The following GRK3 variants were observed in gnomAD, a reference collection of about 807,000 sequenced individuals.
The protein encoded by GRK3 is G protein-coupled receptor kinase 3, also known as adrenergic, beta, receptor kinase 2.
GRK3 carries 54 observed loss-of-function variants against 95.7 expected under a neutral mutation model. The observed-to-expected ratio is 0.56, with a 90% CI of 0.45 to 0.71. GRK3 has a LOEUF of 0.71. Among genes scored for constraint, GRK3 ranks in the 30% least tolerant of loss-of-function variants. The probability of loss-of-function intolerance (pLI) is 0.00; values close to 1 mark genes in which losing one functional copy is unlikely to be tolerated. For missense variants in GRK3, 649 were observed against 851.2 expected, an observed-to-expected ratio of 0.76 and a Z score of 2.96; for synonymous variants, 281 against 290.8, an observed-to-expected ratio of 0.97 and a Z score of 0.34.
intron 8 of GRK3, among the ~76,000 whole-genome samples, 159 bp from the exon 9 acceptor site, chr22:25,678,657 T>G (rs537188055): frequency 6.6e-6 from 1 of 152,366 alleles, no homozygotes; most frequent in East Asian, 1.9e-4. Flanking sequence ...TCACAATACA[T>G]GCAAAATAAA....
intron 1 of GRK3, among the ~76,000 whole-genome samples, chr22:25,599,202 T>C (rs1201542737): frequency 6.6e-6 from 1 of 152,154 alleles, no homozygotes; most frequent in Non-Finnish European, 1.5e-5. Context: ...AGAAAAATAT[T>C]GATAAATTGG....
chr22:25,613,115 G>A (rs1430685876), intron 2 of GRK3, among the ~76,000 whole-genome samples: 3 of 151,588 alleles, frequency 2.0e-5, no homozygotes, highest in Non-Finnish European at 4.4e-5. Context: ...GTATAAGTCA[G>A]CAGCTTTGGA....
At chr22:25,665,364 C>T in intron 5 of GRK3, among the ~76,000 whole-genome samples, 1 of 152,180 alleles carries the variant, frequency 6.6e-6, no homozygotes, top group East Asian at 1.9e-4. Context: ...TTACATTTAA[C>T]ATTGCTAAAC....
Position 25,721,121 on chromosome 22 carries a change from G to T in GRK3, c.1792-163G>T, listed in dbSNP as rs190694464. Among the ~76,000 whole-genome samples the T allele has an allele frequency of 9.2e-5, 14 of 152,212 alleles. No individual in the cohort carries two copies. The East Asian group carries it at 2.7e-3, about 29-fold the overall frequency. On this transcript the variant is annotated intron_variant, in intron 19 of 20. Transcript: ENST00000324198. ...AACATTATAATTTGAACTTTTGTTT[G>T]TGTTCCTTTATAGCCATTTTCCCCT...
chr22:25,641,339 C>A (rs1055250088), intron 2 of GRK3, among the ~76,000 whole-genome samples: 1 of 152,114 alleles, frequency 6.6e-6, no homozygotes, highest in African/African-American at 2.4e-5. Context: ...TCCTTTCCCC[C>A]GACTTCCCTC....
chr22:25,693,646 T>C (rs2085182666), intron 12 of GRK3, among the ~76,000 whole-genome samples: 2 of 152,092 alleles, frequency 1.3e-5, no homozygotes, highest in South Asian at 4.1e-4. Context: ...CACTGTTGGA[T>C]AAAACTCTCA....
At chr22:25,659,494 A>G (rs1483259098) in intron 3 of GRK3, among the ~76,000 whole-genome samples, 1 of 152,204 alleles carries the variant, frequency 6.6e-6, no homozygotes, top group Non-Finnish European at 1.5e-5. Context: ...GAAAGGGACT[A>G]CAGGTCTGTG....
intron 5 of GRK3, 57 bp from the exon 6 acceptor site, chr22:25,667,682 G>A (rs2084951521): frequency 8.4e-6 from 11 of 1,306,790 alleles, no homozygotes; most frequent in Non-Finnish European, 1.2e-5. Context: ...ATTGGTTTGT[G>A]TTTTTTTGAT....
intron 5 of GRK3, among the ~76,000 whole-genome samples, chr22:25,666,706 T>C (rs939353886): frequency 3.9e-5 from 6 of 152,118 alleles, no homozygotes; most frequent in Non-Finnish European, 5.9e-5. Context: ...GCAGACTTCC[T>C]ATTCTCATCA....
chr22:25,648,092 G>A (rs377428311), intron 3 of GRK3: 6 of 559,978 alleles, frequency 1.1e-5, no homozygotes, highest in Non-Finnish European at 1.9e-5. Context: ...CTCCAGCCTC[G>A]GCGACAAGAG....
rs188448188 is a variant in GRK3, at chr22:25,710,053, A to G, written c.1395+89A>G. ...TCTCAGTTTCTGTCTCTGTCTCTCT[A>G]TGCACTGCTGGCTTCCTGGCTGTGT... On this transcript the variant is annotated intron_variant, in intron 16 of 20. Coordinates refer to ENST00000324198, the MANE Select transcript of GRK3 (RefSeq NM_005160.4). The G allele has an allele frequency of 2.0e-3, 2,003 of 1,001,234 alleles. 12 individuals carry two copies. Among genetic ancestry groups the G allele is most frequent in the Middle Eastern group, 0.011 (52 of 4,808 alleles). The allele number at this position is 1,001,234 out of a possible 1,614,324, so 62.0% of individuals were successfully genotyped here.
intron 12 of GRK3, 130 bp downstream of exon 12, chr22:25,690,413 C>T (rs1013925304): frequency 4.3e-5 from 29 of 673,222 alleles, no homozygotes; most frequent in East Asian, 3.3e-4. Context: ...CATCACAGGT[C>T]GTGGGAAAGG....
chr22:25,676,922 G>A (rs1216860729), intron 8 of GRK3, among the ~76,000 whole-genome samples: 2 of 152,056 alleles, frequency 1.3e-5, no homozygotes, highest in Admixed American at 1.3e-4. Flanking sequence ...CTGGCTCTGC[G>A]AGCCCATCAG....
chr22:25,622,074 C>CA, intron 2 of GRK3, among the ~76,000 whole-genome samples: 1 of 152,078 alleles, frequency 6.6e-6, no homozygotes, highest in Non-Finnish European at 1.5e-5. Flanking sequence ...GTCAAAATAG[C>CA]AATAAGATCC....
intron 2 of GRK3, among the ~76,000 whole-genome samples, chr22:25,640,781 A>C (rs2084737264): frequency 6.6e-6 from 1 of 151,556 alleles, no homozygotes; most frequent in African/African-American, 2.4e-5. Context: ...ATACACTAAA[A>C]AGTTAATCAA....
At chr22:25,576,294 T>G (rs1425735780) in intron 1 of GRK3, among the ~76,000 whole-genome samples, 1 of 152,152 alleles carries the variant, frequency 6.6e-6, no homozygotes, top group African/African-American at 2.4e-5. Flanking sequence ...AAGTCACCCC[T>G]CCTAGGAGTG....
At chr22:25,714,681 G>A in intron 18 of GRK3, 111 bp downstream of exon 18, 6 of 1,019,494 alleles carry the variant, frequency 5.9e-6, no homozygotes, top group Non-Finnish European at 7.0e-6. Context: ...CGAGAAGAAA[G>A]CAATGCCATA....
chr22:25,661,955 A>G (rs2084912299), intron 4 of GRK3, among the ~76,000 whole-genome samples: 2 of 152,252 alleles, frequency 1.3e-5, no homozygotes, highest in African/African-American at 4.8e-5. Context: ...AAAAGTCTCA[A>G]TTCAAGACAT....
Position 25,714,720 on chromosome 22 carries a change from G to C in GRK3, c.1654+150G>C, listed in dbSNP as rs2085369949. On this transcript the variant is annotated intron_variant, in intron 18 of 20. Transcript: ENST00000324198. ...CGCTTTAGTTTGCTCTGGCTTGGAA[G>C]AGCTCAGTCTAATATTTCAAAGTCT... The C allele has an allele frequency of 5.6e-6, 4 of 720,562 alleles. 1 individual carries two copies. The South Asian group carries it at 8.4e-5, about 15-fold the overall frequency. 44.6% of individuals were successfully genotyped at this position (720,562 alleles called of 1,614,324 possible). A position where few individuals can be genotyped will look rare whatever the true frequency, so the allele number is the denominator to read the frequency against.
Sources: allele counts gnomAD v4.1 joint callset (sites outside exome capture counted in the v4.1 genomes callset), GRCh38; gene constraint gnomAD v4.1.1; transcripts MANE v1.5; gene names NCBI Gene and HGNC (gene_info 2026-07-23, HGNC 2026-07-21).